LONP1: variants seen among roughly 807,000 people sequenced by gnomAD.
The protein encoded by LONP1 is lon protease homolog, mitochondrial.
LONP1 carries 31 observed loss-of-function variants against 98.5 expected under a neutral mutation model. The ratio of observed to expected loss-of-function variants is 0.31; its 90% CI spans 0.24 to 0.42. The LOEUF (loss-of-function observed/expected upper bound fraction) is 0.42, where lower values mean the gene tolerates loss of function less well. Among genes scored for constraint, LONP1 ranks in the 20% least tolerant of loss-of-function variants. The probability of loss-of-function intolerance (pLI) is 1.00; values close to 1 mark genes in which losing one functional copy is unlikely to be tolerated. For missense variants in LONP1, 1,336 were observed against 1,350.6 expected, an observed-to-expected ratio of 0.99 and a Z score of 0.17; for synonymous variants, 781 against 594.7, an observed-to-expected ratio of 1.31 and a Z score of -4.56.
At chr19:5,704,907 T>G (rs896808288) in intron 8 of LONP1, among the ~76,000 whole-genome samples, 2 of 152,186 alleles carry the variant, frequency 1.3e-5, no homozygotes, top group African/African-American at 4.8e-5. Flanking sequence ...ATGCCTGTAA[T>G]CCCAGCACTT....
At position 5,719,781 on chromosome 19, in the gene LONP1, G is replaced by A; in HGVS notation, c.352C>T (p.Pro118Ser). The A allele has an allele frequency of 6.2e-7, 1 of 1,613,346 alleles. No homozygotes were observed. Reference sequence around the variant, plus strand: ...AGCGGCAGGTGCGGAAACACATCGGGGATCGTCATGGGCGTGAGCGCCGTT... The same window carrying A: ...AGCGGCAGGTGCGGAAACACATCGGAGATCGTCATGGGCGTGAGCGCCGTT... ...VITALTPMTI[P>S]DVFPHLPLIA... The change falls in exon 1 of 18, where the codon CCC (proline) becomes TCC (serine). Residue 118 changes from proline to serine, a missense_variant. Around this residue, in one of 5 missense-constraint regions of LONP1, gnomAD observed 457 missense variants for 403.1 expected, o/e 1.13. Transcript: ENST00000360614.
chr19:5,693,146 C>CT, intron 17 of LONP1, 152 bp downstream of exon 17: 1 of 939,392 alleles, frequency 1.1e-6, no homozygotes, highest in Non-Finnish European at 1.6e-6. Context: ...GGGCGGTGAG[C>CT]TTAAGGCCAG....
Position 5,711,853 on chromosome 19 carries a change from G to A in LONP1, c.788C>T (p.Thr263Ile), listed in dbSNP as rs139791767. The change falls in exon 4 of 18, where the codon ACC becomes ATC. Residue 263 changes from threonine (T) to isoleucine (I), a missense_variant. Thr to Ile is a moderately conservative substitution (Grantham distance 89, BLOSUM62 -1). This residue lies in a region of LONP1 where 457 missense variants were observed against 403.1 expected (regional missense o/e 1.13). Transcript: ENST00000360614. ...GAGCACCTCAGCCGGGAGCTCAGGG[G>A]TGGGCTCCATCGCCAGCTCCGCCGG... Reference protein sequence around the residue: ...RHPAELAMEPTPELPAEVLMV... With the variant: ...RHPAELAMEPIPELPAEVLMV... 2.2e-4 allele frequency: 361 copies of A among 1,612,702 alleles called. No individual in the cohort carries two copies. The highest frequency in any genetic ancestry group is 2.9e-4 in the Non-Finnish European group (343 of 1,179,994).
In LONP1 at chr19:5,694,425, G is replaced by A. The variant is rs373182816; in HGVS notation, c.2282C>T (p.Pro761Leu). ...GGCCAGCCCCATGACCACGCCGGGCGGTGTCACGTCATACATGCGCTCCAC... is the reference window on the plus strand; with the variant it reads ...GGCCAGCCCCATGACCACGCCGGGCAGTGTCACGTCATACATGCGCTCCAC... ...FTVERMYDVT[P>L]PGVVMGLAWT... Residue 761 changes from proline (P) to leucine (L), a missense_variant, in exon 15 of 18, where the codon CCG (proline) becomes CTG (leucine). Pro to Leu is a moderately conservative substitution (Grantham distance 98, BLOSUM62 -3). Coordinates refer to ENST00000360614, the MANE Select transcript of LONP1 (RefSeq NM_004793.4). 2.5e-5 allele frequency: 41 copies of A among 1,613,362 alleles called. No individual in the cohort carries two copies. Among genetic ancestry groups the A allele is most frequent in the African/African-American group, 1.3e-4 (10 of 74,914 alleles).
chr19:5,694,276 G>A, intron 15 of LONP1, 111 bp downstream of exon 15: 3 of 1,420,648 alleles, frequency 2.1e-6, no homozygotes, highest in Non-Finnish European at 1.9e-6. Context: ...CCCCGCCAGA[G>A]GCCGTTCAGA....
rs1344473939 is a variant in LONP1, at chr19:5,692,193, C to T, written c.2719G>A (p.Val907Met). The change falls in exon 18 of 18, where the codon GTG (valine) becomes ATG (methionine). Residue 907 changes from valine to methionine, a missense_variant. Around this residue, in one of 5 missense-constraint regions of LONP1, gnomAD observed 555 missense variants for 542.6 expected, o/e 1.02. Coordinates refer to ENST00000360614, the MANE Select transcript of LONP1 (RefSeq NM_004793.4). Reference protein sequence around the residue: ...EKTIAAKRAGVTCIVLPAENK... With the variant: ...EKTIAAKRAGMTCIVLPAENK... ...TCGGCTGGCAGGACGATGCACGTCA[C>T]CCCTGCGCGCTTGGCCTGGGGGCAG... 2.5e-6 allele frequency: 4 copies of T among 1,612,822 alleles called. No homozygotes were observed. The highest frequency in any genetic ancestry group is 3.4e-6 in the Non-Finnish European group (4 of 1,179,264).
chr19:5,713,118 C>A lies in LONP1; in HGVS notation c.638+16G>T. 4 of 1,613,926 alleles carry A rather than the reference C, an allele frequency of 2.5e-6. No homozygotes were observed. Among genetic ancestry groups the A allele is most frequent in the Non-Finnish European group, 2.5e-6 (3 of 1,179,938 alleles). ...ACTCTGCCCCCACCTCCCACTGTCC[C>A]CCGCCAGCCACCCACCTTCTGTGTC... On this transcript the variant is annotated intron_variant, in intron 3 of 17. Transcript: ENST00000360614.
At chr19:5,698,973 C>A in intron 10 of LONP1, 54 bp downstream of exon 10, 1 of 1,515,032 alleles carries the variant, frequency 6.6e-7, no homozygotes, top group Non-Finnish European at 8.9e-7. Flanking sequence ...GAAGACGAAG[C>A]CCGGCAGCAC....
At chr19:5,697,753 T>G (rs973997821) in intron 10 of LONP1, among the ~76,000 whole-genome samples, 1 of 135,860 alleles carries the variant, frequency 7.4e-6, no homozygotes. Flanking sequence ...CAGTCTCCTG[T>G]CCTTGTCCTT....
rs531869498 is a variant in LONP1, at chr19:5,712,670, T to C, written c.638+464A>G. On this transcript the variant is annotated intron_variant, in intron 3 of 17. Coordinates refer to ENST00000360614, the MANE Select transcript of LONP1 (RefSeq NM_004793.4). ...CGCCGTCACATCTAACTTTTTATTA[T>C]TTTTTATAGAAACAGGGTCTTGCTG... Among the ~76,000 whole-genome samples, 4 of 152,236 alleles carry C rather than the reference T, an allele frequency of 2.6e-5. No individual in the cohort carries two copies. The South Asian group carries it at 8.3e-4, about 32-fold the overall frequency.
intron 8 of LONP1, among the ~76,000 whole-genome samples, chr19:5,704,319 T>C (rs891551204): frequency 6.6e-6 from 1 of 152,172 alleles, no homozygotes; most frequent in South Asian, 2.1e-4. Flanking sequence ...AGGCACTAAG[T>C]TGTGGCACCG....
intron 14 of LONP1, 103 bp downstream of exon 14, chr19:5,694,658 G>A (rs2054893041): frequency 6.4e-7 from 1 of 1,563,432 alleles, no homozygotes; most frequent in Non-Finnish European, 8.7e-7. Flanking sequence ...GTGGTGGGGT[G>A]ATGGGCGCAG....
intron 4 of LONP1, 51 bp downstream of exon 4, chr19:5,711,720 G>C: frequency 6.7e-7 from 1 of 1,492,498 alleles, no homozygotes; most frequent in Non-Finnish European, 9.2e-7. Flanking sequence ...CGGCTCAAGG[G>C]AGCCCGTGGG....
In LONP1 at chr19:5,693,702, C is replaced by T. The variant is rs776924898; in HGVS notation, c.2388G>A (p.Lys796=). The change falls in exon 16 of 18, where the codon AAG becomes AAA. Residue 796 remains lysine (K), a synonymous_variant. Coordinates refer to ENST00000360614, the MANE Select transcript of LONP1 (RefSeq NM_004793.4). ...GGCCTGTCACCTCCAGGCTGCCATC[C>T]TTGTCACCCTTGGCATCCTTGTCCT... The part of the protein sequence containing the change: ...RPQDKDAKGD[K]DGSLEVTGQL... The T allele has an allele frequency of 6.2e-7, 1 of 1,614,082 alleles. No homozygotes were observed. Among genetic ancestry groups the T allele is most frequent in the Non-Finnish European group, 8.5e-7 (1 of 1,179,980 alleles).
upstream of LONP1, chr19:5,720,401 A>C (rs1013417968): frequency 1.7e-6 from 1 of 586,062 alleles, no homozygotes; most frequent in African/African-American, 2.0e-5. Context: ...AAACACTGGT[A>C]GTGTTGCAAA....
In LONP1 at chr19:5,707,833, G is replaced by T. The variant is rs749593120; in HGVS notation, c.933-7C>A. On this transcript the variant is annotated splice_polypyrimidine_tract_variant and splice_region_variant and intron_variant, in intron 5 of 17. Transcript: ENST00000360614. ...CATCTGCAGCACTGACTCCCTGGGG[G>T]ACAAAGGGAGCTGCCTCGGTGGCCA... The T allele has an allele frequency of 9.6e-5, 155 of 1,612,436 alleles. No homozygotes were observed. In the East Asian group the frequency reaches 3.5e-3, roughly 36 times the overall value.
intron 1 of LONP1, among the ~76,000 whole-genome samples, chr19:5,718,498 C>A (rs1413189368): frequency 1.4e-5 from 2 of 147,744 alleles, no homozygotes; most frequent in South Asian, 2.1e-4. Flanking sequence ...AAAAAAAAAT[C>A]TTGGAGCAGC....
At chr19:5,709,869 G>A (rs186062821) in intron 4 of LONP1, among the ~76,000 whole-genome samples, 2,364 of 123,050 alleles carry the variant, frequency 0.019, 41 homozygotes, top group East Asian at 0.042. Flanking sequence ...CCGAGATCAC[G>A]CCACTGCACT....
intron 13 of LONP1, 122 bp from the exon 14 acceptor site, chr19:5,695,023 T>C: frequency 2.5e-6 from 3 of 1,213,852 alleles, no homozygotes; most frequent in Non-Finnish European, 3.4e-6. Flanking sequence ...AGGTCCCTGA[T>C]GGTGAAACCA....
Sources: allele counts gnomAD v4.1 joint callset (sites outside exome capture counted in the v4.1 genomes callset), GRCh38; gene constraint gnomAD v4.1.1; regional missense constraint gnomAD v4.1.1; transcripts MANE v1.5; gene names NCBI Gene and HGNC (gene_info 2026-07-23, HGNC 2026-07-21).